PDXDC1: variants seen among roughly 807,000 people sequenced by gnomAD.
The protein encoded by PDXDC1 is pyridoxal dependent decarboxylase domain containing 1.
Under a neutral mutation model 100.1 loss-of-function variants are expected in PDXDC1, and 42 were observed. That is an observed-to-expected ratio of 0.42 (90% CI 0.33 to 0.54). The LOEUF (loss-of-function observed/expected upper bound fraction) is 0.54, where lower values mean the gene tolerates loss of function less well. Ranked by LOEUF, PDXDC1 falls within the 20% of genes least tolerant of loss-of-function variation. The pLI, the probability that PDXDC1 is intolerant of heterozygous loss-of-function variation, is 0.10. For synonymous variants in PDXDC1, 260 were observed against 371.7 expected, an observed-to-expected ratio of 0.70 and a Z score of 3.46; for missense variants, 636 against 979.2, an observed-to-expected ratio of 0.65 and a Z score of 4.68.
intron 16 of PDXDC1, chr16:15,133,809 T>G: frequency 3.8e-6 from 6 of 1,586,388 alleles, no homozygotes; most frequent in Non-Finnish European, 8.6e-7. Context: ...GCATTCGAAG[T>G]GCACCTTGGT....
At chr16:14,991,526 ATT>A (rs1168644641) in intron 1 of PDXDC1, among the ~76,000 whole-genome samples, 41 of 136,336 alleles carry the variant, frequency 3.0e-4, no homozygotes, top group Admixed American at 3.7e-4. Flanking sequence ...TATTTTGTCT[ATT>A]TTTTTTTTTT....
At chr16:15,104,657 A>C (rs1469015197) in intron 16 of PDXDC1, 2 of 1,597,830 alleles carry the variant, frequency 1.3e-6, no homozygotes, top group South Asian at 2.2e-5. Flanking sequence ...GAGTTGGAGG[A>C]GGTGGCTGGT....
chr16:15,097,458 A>C (rs2151840541), intron 16 of PDXDC1, among the ~76,000 whole-genome samples: 1 of 125,686 alleles, frequency 8.0e-6, no homozygotes, highest in African/African-American at 2.9e-5. Context: ...CCCCGTCTCT[A>C]CTAAAAATAC....
intron 16 of PDXDC1, among the ~76,000 whole-genome samples, chr16:15,049,242 T>C (rs2044203880): frequency 1.3e-5 from 2 of 152,194 alleles, no homozygotes; most frequent in African/African-American, 2.4e-5. Context: ...CTGCCCAGGC[T>C]GGTCTCAAAC....
chr16:15,081,625 G>A (rs985635240), intron 16 of PDXDC1, among the ~76,000 whole-genome samples: 10 of 152,142 alleles, frequency 6.6e-5, no homozygotes, highest in African/African-American at 1.4e-4. Flanking sequence ...ATTATTTGGG[G>A]ATCCTTTTCA....
At position 15,002,089 on chromosome 16, in the gene PDXDC1, G is replaced by A. The variant is rs192025430; in HGVS notation, c.242+233G>A. Among the ~76,000 whole-genome samples, 40 of 152,402 alleles carry A rather than the reference G, an allele frequency of 2.6e-4. 1 individual carries two copies. Among genetic ancestry groups the A allele is most frequent in the Admixed American group, 7.2e-4 (11 of 15,312 alleles). The stretch of plus-strand genomic sequence containing the variant: ...TTATGGTATCATGCCTTAGAGAGGC[G>A]CTGGCAGAAGGACTGAAGAGTGAGT... On this transcript the variant is annotated intron_variant, in intron 4 of 22. Transcript: ENST00000396410.
chr16:15,092,629 T>C, intron 16 of PDXDC1: 15 of 1,447,132 alleles, frequency 1.0e-5, no homozygotes, highest in Non-Finnish European at 1.4e-5. Context: ...GGAACCAAGA[T>C]TAACAAGCTA....
Position 15,010,762 on chromosome 16 carries a change from T to C in PDXDC1, c.727+1003T>C, listed in dbSNP as rs556578433. 6.6e-5 allele frequency among the ~76,000 whole-genome samples: 10 copies of C among 152,402 alleles called. No individual in the cohort carries two copies. In the East Asian group the frequency reaches 1.7e-3, roughly 26 times the overall value. ...AAAGAAAAGCTACTGGAACTAATGA[T>C]CAAATCTAAACCATTTTCTGGATTT... On this transcript the variant is annotated intron_variant, in intron 8 of 22. Transcript: ENST00000396410.
intron 16 of PDXDC1, among the ~76,000 whole-genome samples, chr16:15,103,788 G>A (rs1428568154): frequency 8.6e-6 from 1 of 115,710 alleles, no homozygotes; most frequent in Non-Finnish European, 1.8e-5. Flanking sequence ...TTACAGGCAT[G>A]AGCCGTGGTG....
chr16:15,035,944 G>GT, intron 22 of PDXDC1, 72 bp from the exon 23 acceptor site: 1 of 1,443,904 alleles, frequency 6.9e-7, no homozygotes, highest in Non-Finnish European at 9.4e-7. Flanking sequence ...GCAATTATCT[G>GT]TTGCAGAGAC....
intron 16 of PDXDC1, among the ~76,000 whole-genome samples, chr16:15,070,920 C>G (rs927250329): frequency 1.3e-5 from 2 of 152,074 alleles, no homozygotes; most frequent in Non-Finnish European, 2.9e-5. Context: ...AAAAGCCTTA[C>G]ATACAGGGTT....
chr16:15,082,954 A>G (rs948732547), intron 16 of PDXDC1, among the ~76,000 whole-genome samples: 2 of 152,230 alleles, frequency 1.3e-5, no homozygotes, highest in African/African-American at 4.8e-5. Context: ...TAAAGCCACT[A>G]CAGATATTCC....
In PDXDC1 at chr16:15,130,710, G is replaced by A. The variant is rs754661101; in HGVS notation, c.1400-8169G>A. On this transcript the variant is annotated intron_variant, in intron 16 of 16. Coordinates refer to the PDXDC1 transcript ENST00000535621. Reference sequence around the variant, plus strand: ...CTCTGGGCGGATCCTCCTGCTAGCCGAGCAGTTGTGCTCATTGGGCCGGGG... The same window carrying A: ...CTCTGGGCGGATCCTCCTGCTAGCCAAGCAGTTGTGCTCATTGGGCCGGGG... The A allele has an allele frequency of 6.7e-6, 10 of 1,502,862 alleles. No individual in the cohort carries two copies. In the East Asian group the frequency reaches 9.0e-5, roughly 14 times the overall value. 93.1% of individuals were successfully genotyped at this position (1,502,862 alleles called of 1,614,324 possible).
intron 16 of PDXDC1, chr16:15,084,843 A>G: frequency 1.5e-6 from 1 of 676,148 alleles, no homozygotes; most frequent in Non-Finnish European, 2.7e-6. Context: ...AGGTGGGTGG[A>G]TCACCTGAGG....
downstream of PDXDC1, among the ~76,000 whole-genome samples, chr16:15,041,358 CCT>C (rs746477635): frequency 1.8e-4 from 27 of 152,050 alleles, no homozygotes; most frequent in African/African-American, 2.7e-4. Flanking sequence ...CTCTGTGCAC[CCT>C]GTCTGCCACA....
intron 16 of PDXDC1, chr16:15,125,451 G>C: frequency 1.1e-6 from 1 of 881,468 alleles, no homozygotes; most frequent in East Asian, 2.4e-5. Flanking sequence ...TGACCACATG[G>C]AGCCACAGAC....
chr16:15,055,260 G>A (rs2044460982), intron 16 of PDXDC1, among the ~76,000 whole-genome samples: 1 of 152,160 alleles, frequency 6.6e-6, no homozygotes, highest in South Asian at 2.1e-4. Flanking sequence ...AGATCTATTT[G>A]AGCACAAAAG....
chr16:15,038,664 C>G, downstream of PDXDC1: 5 of 1,591,678 alleles, frequency 3.1e-6, no homozygotes, highest in Non-Finnish European at 4.3e-6. Context: ...GTTGTTCTGT[C>G]TCTGCATCAT....
chr16:15,131,675 G>A (rs1006804716), intron 16 of PDXDC1: 37 of 1,565,490 alleles, frequency 2.4e-5, no homozygotes, highest in East Asian at 4.6e-5. Context: ...TGTGGTGCCC[G>A]CACGTCTGAG....
Sources: allele counts gnomAD v4.1 joint callset (sites outside exome capture counted in the v4.1 genomes callset), GRCh38; gene constraint gnomAD v4.1.1; transcripts MANE v1.5; gene names NCBI Gene and HGNC (gene_info 2026-07-23, HGNC 2026-07-21).